Variants in AIG1 observed in about 807,000 individuals in gnomAD.
AIG1 encodes androgen-induced gene 1 protein.
Under a neutral mutation model 31.4 loss-of-function variants are expected in AIG1, and 23 were observed. That is an observed-to-expected ratio of 0.73 (90% CI 0.53 to 1.04). The LOEUF (loss-of-function observed/expected upper bound fraction) is 1.04, where lower values mean the gene tolerates loss of function less well. Among genes scored for constraint, AIG1 ranks in the 50% least tolerant of loss-of-function variants. The probability of loss-of-function intolerance (pLI) is 0.00; values close to 1 mark genes in which losing one functional copy is unlikely to be tolerated. For missense variants in AIG1, 274 were observed against 295.0 expected (o/e 0.93, Z 0.52); for synonymous variants, 100 against 110.5 (o/e 0.90, Z 0.60).
chr6:143,302,043 C>T (rs980023197), intron 4 of AIG1, among the ~76,000 whole-genome samples: 1 of 151,748 alleles, frequency 6.6e-6, no homozygotes, highest in Non-Finnish European at 1.5e-5. Context: ...AAATAGAACT[C>T]AATGGTGACT....
chr6:143,185,362 G>A (rs1301876045), intron 3 of AIG1, among the ~76,000 whole-genome samples: 1 of 152,044 alleles, frequency 6.6e-6, no homozygotes, highest in African/African-American at 2.4e-5. Flanking sequence ...TTGTCCAGGA[G>A]GTCCTCAGCA....
chr6:143,168,632 C>G (rs1484816972), intron 3 of AIG1, among the ~76,000 whole-genome samples: 1 of 151,772 alleles, frequency 6.6e-6, no homozygotes, highest in Non-Finnish European at 1.5e-5. Context: ...CTTGGTGAAA[C>G]CCTGTCTCTT....
chr6:143,184,719 T>C (rs1789074350), intron 3 of AIG1, among the ~76,000 whole-genome samples: 2 of 152,220 alleles, frequency 1.3e-5, no homozygotes, highest in African/African-American at 4.8e-5. Flanking sequence ...CTCTGCCCTC[T>C]TTCTTCACCA....
chr6:143,210,362 A>G lies in AIG1; in HGVS notation c.399+45179A>G, dbSNP rs1468910140. On this transcript the variant is annotated intron_variant, in intron 3 of 5. Transcript: ENST00000357847. Reference sequence around the variant, plus strand: ...CACTGGTCTTAGTAAATGCTTCTTGAGTGTCAAGTGAATAATTGTATACCT... The same window carrying G: ...CACTGGTCTTAGTAAATGCTTCTTGGGTGTCAAGTGAATAATTGTATACCT... Among the ~76,000 whole-genome samples the G allele has an allele frequency of 2.6e-5, 4 of 152,168 alleles. 1 individual carries two copies. Among genetic ancestry groups the G allele is most frequent in the Admixed American group, 1.3e-4 (2 of 15,278 alleles).
chr6:143,113,734 G>A (rs747684993), intron 1 of AIG1, among the ~76,000 whole-genome samples: 9 of 152,218 alleles, frequency 5.9e-5, no homozygotes, highest in South Asian at 2.1e-4. Flanking sequence ...GACAAACACT[G>A]TAAATGTTTT....
intron 3 of AIG1, among the ~76,000 whole-genome samples, chr6:143,248,291 G>T (rs1794756357): frequency 1.3e-5 from 2 of 152,220 alleles, no homozygotes; most frequent in Admixed American, 1.3e-4. Flanking sequence ...GCTAGGGTTT[G>T]CCGCTGTTTG....
chr6:143,316,357 A>G (rs1007589318), intron 4 of AIG1, among the ~76,000 whole-genome samples: 6 of 152,124 alleles, frequency 3.9e-5, no homozygotes, highest in Non-Finnish European at 8.8e-5. Flanking sequence ...TATGAAACTT[A>G]GTTTCACTGG....
intron 2 of AIG1, among the ~76,000 whole-genome samples, chr6:143,154,746 T>C (rs1583347535): frequency 6.6e-6 from 1 of 150,588 alleles, no homozygotes; most frequent in South Asian, 2.1e-4. Flanking sequence ...CTATGTAAGA[T>C]GATATCGCTG....
intron 3 of AIG1, among the ~76,000 whole-genome samples, chr6:143,253,026 G>A (rs1305999094): frequency 3.3e-5 from 5 of 152,166 alleles, no homozygotes; most frequent in African/African-American, 1.2e-4. Context: ...AAAGCCAAGG[G>A]AGGACACTCG....
chr6:143,248,757 G>C (rs893145261), intron 3 of AIG1, among the ~76,000 whole-genome samples: 2 of 152,202 alleles, frequency 1.3e-5, no homozygotes, highest in Admixed American at 6.5e-5. Flanking sequence ...CATCAGTTAG[G>C]TGAATTTCTC....
In AIG1 at chr6:143,220,616, G is replaced by T. The variant is rs9403465; in HGVS notation, c.399+55433G>T. Among the ~76,000 whole-genome samples, 1,451 of 152,174 alleles carry T rather than the reference G, an allele frequency of 9.5e-3. 44 individuals carry two copies. The highest frequency in any genetic ancestry group is 0.07 in the East Asian group (363 of 5,182). ...GAGCAAATCTTGACTCTGCTATTTG[G>T]CCTCTCTAAGTGGAACCATTTTCAA... On this transcript the variant is annotated intron_variant, in intron 3 of 5. Coordinates refer to ENST00000357847, the MANE Select transcript of AIG1 (RefSeq NM_016108.4).
At chr6:143,286,135 A>G (rs1797667323) in intron 4 of AIG1, among the ~76,000 whole-genome samples, 1 of 150,946 alleles carries the variant, frequency 6.6e-6, no homozygotes, top group South Asian at 2.1e-4. Context: ...TTTATATGCT[A>G]TTAAATTATC....
At chr6:143,121,821 T>A (rs776206826) in intron 1 of AIG1, among the ~76,000 whole-genome samples, 11 of 152,260 alleles carry the variant, frequency 7.2e-5, no homozygotes, top group Non-Finnish European at 1.0e-4. Flanking sequence ...AAACATCTTT[T>A]CACTAAATGT....
intron 3 of AIG1, among the ~76,000 whole-genome samples, chr6:143,171,602 C>G (rs1787646910): frequency 6.9e-6 from 1 of 144,814 alleles, no homozygotes; most frequent in Non-Finnish European, 1.5e-5. Flanking sequence ...TGGAAAGGTT[C>G]TATATTTTTG....
chr6:143,169,643 C>T (rs1583399872), intron 3 of AIG1, among the ~76,000 whole-genome samples: 1 of 152,108 alleles, frequency 6.6e-6, no homozygotes, highest in Admixed American at 6.6e-5. Flanking sequence ...CAATTCTACT[C>T]ACTACTTCTA....
At chr6:143,156,332 T>C (rs1366224116) in intron 2 of AIG1, among the ~76,000 whole-genome samples, 1 of 151,438 alleles carries the variant, frequency 6.6e-6, no homozygotes, top group East Asian at 1.9e-4. Flanking sequence ...TTAAGAACCA[T>C]GGAGTATCTT....
At chr6:143,286,887 AAAGT>A (rs1211024888) in intron 4 of AIG1, among the ~76,000 whole-genome samples, 2 of 151,046 alleles carry the variant, frequency 1.3e-5, no homozygotes, top group African/African-American at 4.9e-5. Context: ...GAGAGTAGAG[AAAGT>A]AAGGGATACC....
chr6:143,172,050 A>G (rs947588432), intron 3 of AIG1, among the ~76,000 whole-genome samples: 1 of 150,570 alleles, frequency 6.6e-6, no homozygotes. Flanking sequence ...TTTCTTGCTG[A>G]TTTGTTTGAG....
chr6:143,100,514 T>C (rs1405794044), intron 1 of AIG1, among the ~76,000 whole-genome samples: 1 of 152,158 alleles, frequency 6.6e-6, no homozygotes, highest in African/African-American at 2.4e-5. Flanking sequence ...TAAGAAATAA[T>C]AGGAGTCATT....
Sources: allele counts gnomAD v4.1 joint callset (sites outside exome capture counted in the v4.1 genomes callset), GRCh38; gene constraint gnomAD v4.1.1; transcripts MANE v1.5; gene names NCBI Gene and HGNC (gene_info 2026-07-23, HGNC 2026-07-21).